VRK2: variants seen among roughly 807,000 people sequenced by gnomAD.
VRK2 encodes serine/threonine-protein kinase VRK2.
VRK2 carries 60 observed loss-of-function variants against 57.6 expected under a neutral mutation model. The ratio of observed to expected loss-of-function variants is 1.04; its 90% CI spans 0.85 to 1.29. The LOEUF is 1.29. VRK2 is among the 50% of genes most tolerant of loss of function. The pLI is 0.00. For missense variants in VRK2, 705 were observed against 588.1 expected (o/e 1.20, Z -2.06); for synonymous variants, 231 against 199.2 (o/e 1.16, Z -1.35).
At chr2:58,142,337 T>C (rs1681475010) in intron 11 of VRK2, among the ~76,000 whole-genome samples, 1 of 151,862 alleles carries the variant, frequency 6.6e-6, no homozygotes, top group Non-Finnish European at 1.5e-5. Flanking sequence ...TTTTTTTTTT[T>C]TCCAATACTG....
At chr2:58,050,208 AAAT>A (rs1675504909) in intron 2 of VRK2, among the ~76,000 whole-genome samples, 1 of 152,190 alleles carries the variant, frequency 6.6e-6, no homozygotes, top group Non-Finnish European at 1.5e-5. Flanking sequence ...AGTATATCAA[AAAT>A]ATTATTTCAA....
intron 7 of VRK2, among the ~76,000 whole-genome samples, chr2:58,114,892 C>G (rs141947711): frequency 0.035 from 5,366 of 152,056 alleles, 315 homozygotes; most frequent in African/African-American, 0.12. Flanking sequence ...AGACTAAGAG[C>G]TATTTTAGTT....
At chr2:58,154,254 G>C (rs1354970929) in intron 12 of VRK2, among the ~76,000 whole-genome samples, 1 of 149,424 alleles carries the variant, frequency 6.7e-6, no homozygotes, top group Non-Finnish European at 1.5e-5. Flanking sequence ...TGATCATTCT[G>C]TATTTTTTAA....
chr2:58,101,988 A>C (rs909785312), intron 7 of VRK2, among the ~76,000 whole-genome samples: 1 of 151,722 alleles, frequency 6.6e-6, no homozygotes, highest in African/African-American at 2.4e-5. Flanking sequence ...GGTCAAGCCA[A>C]CCAAGTAGAG....
Position 58,146,343 on chromosome 2 carries a change from C to G in VRK2, c.1051C>G (p.Gln351Glu), listed in dbSNP as rs762621713. The part of the protein sequence containing the change: ...KVDSQKAATK[Q>E]VNKAHNRLIE... ...TGATTCACAAAAGGCTGCAACAAAG[C>G]AAGTCAACAAGGCACACAATAGGTT... Residue 351 changes from glutamine (Q) to glutamate (E), a missense_variant, in exon 12 of 13, where the codon CAA becomes GAA. Coordinates refer to ENST00000340157, the MANE Select transcript of VRK2 (RefSeq NM_006296.7). 9 of 1,610,322 alleles carry G rather than the reference C, an allele frequency of 5.6e-6. No homozygotes were observed. Among genetic ancestry groups the G allele is most frequent in the Non-Finnish European group, 7.6e-6 (9 of 1,177,618 alleles).
intron 7 of VRK2, among the ~76,000 whole-genome samples, chr2:58,103,568 C>T (rs183078696): frequency 4.6e-5 from 7 of 151,724 alleles, no homozygotes; most frequent in Non-Finnish European, 3.0e-5. Context: ...CCTGAAGAGA[C>T]CAATACGAAA....
At chr2:58,142,329 T>C (rs1681473078) in intron 11 of VRK2, among the ~76,000 whole-genome samples, 1 of 151,616 alleles carries the variant, frequency 6.6e-6, no homozygotes, top group African/African-American at 2.4e-5. Context: ...AAAAAGTTTT[T>C]TTTTTTTTTC....
At chr2:58,132,605 T>C (rs1363861497) in intron 9 of VRK2, among the ~76,000 whole-genome samples, 1 of 152,190 alleles carries the variant, frequency 6.6e-6, no homozygotes, top group Non-Finnish European at 1.5e-5. Flanking sequence ...ATAGCCAGTT[T>C]TTCATTATAT....
At chr2:58,031,234 C>T in intron 2 of VRK2, among the ~76,000 whole-genome samples, 1 of 151,948 alleles carries the variant, frequency 6.6e-6, no homozygotes, top group Non-Finnish European at 1.5e-5. Flanking sequence ...CTGTGGGTAC[C>T]AACTGAGCAA....
chr2:58,131,909 G>T lies in VRK2; in HGVS notation c.778G>T (p.Val260Leu), dbSNP rs779177111. The T allele has an allele frequency of 6.2e-7, 1 of 1,614,146 alleles. No homozygotes were observed. Among genetic ancestry groups the T allele is most frequent in the Admixed American group, 1.7e-5 (1 of 60,014 alleles). The change falls in exon 9 of 13, where the codon GTG (valine) becomes TTG (leucine). Residue 260 changes from valine (V) to leucine (L), a missense_variant. By Grantham distance (32) the Val-to-Leu change is conservative. Transcript: ENST00000340157. ...WEQNLKDPVA[V>L]QTAKTNLLDE... ...ACAGAACCTGAAGGACCCTGTGGCT[G>T]TGCAGACTGCTAAAACAAAGTACAA...
chr2:57,946,891 T>A (rs991037085), intron 1 of VRK2, among the ~76,000 whole-genome samples: 2 of 152,136 alleles, frequency 1.3e-5, no homozygotes. Context: ...AGCCTGGCTA[T>A]ACTGATCTAT....
intron 1 of VRK2, among the ~76,000 whole-genome samples, chr2:57,976,678 A>C (rs1318498267): frequency 6.6e-6 from 1 of 152,008 alleles, no homozygotes; most frequent in Non-Finnish European, 1.5e-5. Context: ...TTGTCTATTT[A>C]CTTTGTTGAA....
intron 1 of VRK2, among the ~76,000 whole-genome samples, chr2:58,007,963 T>G (rs1239271929): frequency 1.3e-5 from 2 of 152,152 alleles, no homozygotes; most frequent in Non-Finnish European, 2.9e-5. Flanking sequence ...TAATGCTGAC[T>G]ACTTTAACAA....
At chr2:58,100,762 A>G (rs953944341) in intron 7 of VRK2, among the ~76,000 whole-genome samples, 4 of 151,752 alleles carry the variant, frequency 2.6e-5, no homozygotes, top group African/African-American at 9.7e-5. Flanking sequence ...GATCAGTTCT[A>G]TAAACTGTTT....
At chr2:57,918,729 T>C (rs967653566) in intron 1 of VRK2, among the ~76,000 whole-genome samples, 1 of 152,120 alleles carries the variant, frequency 6.6e-6, no homozygotes, top group Non-Finnish European at 1.5e-5. Flanking sequence ...GAAAGAAAAC[T>C]CACTTCTACT....
At chr2:57,992,153 G>T (rs1672788289) in intron 1 of VRK2, among the ~76,000 whole-genome samples, 1 of 152,066 alleles carries the variant, frequency 6.6e-6, no homozygotes, top group South Asian at 2.1e-4. Flanking sequence ...CTAGTTTAGG[G>T]TGGCAATAAT....
At chr2:58,146,849 T>A (rs1682231623) in intron 12 of VRK2, among the ~76,000 whole-genome samples, 3 of 151,934 alleles carry the variant, frequency 2.0e-5, no homozygotes, top group African/African-American at 7.2e-5. Context: ...GTCAATGTGG[T>A]TGTATTTTAA....
chr2:57,994,684 G>T (rs1672872204), intron 1 of VRK2, among the ~76,000 whole-genome samples: 1 of 151,748 alleles, frequency 6.6e-6, no homozygotes, highest in Non-Finnish European at 1.5e-5. Context: ...AATTATTAAA[G>T]ATCCCAAAGA....
At chr2:58,108,957 C>G (rs906900210) in intron 7 of VRK2, among the ~76,000 whole-genome samples, 2 of 152,152 alleles carry the variant, frequency 1.3e-5, no homozygotes, top group East Asian at 3.8e-4. Context: ...AAAATAACTT[C>G]TTAGGGTCAT....
Sources: allele counts gnomAD v4.1 joint callset (sites outside exome capture counted in the v4.1 genomes callset), GRCh38; gene constraint gnomAD v4.1.1; transcripts MANE v1.5; gene names NCBI Gene and HGNC (gene_info 2026-07-23, HGNC 2026-07-21).